Variants in FAM234A observed in about 807,000 individuals in gnomAD.
FAM234A encodes the protein protein FAM234A.
Under a neutral mutation model 49.1 loss-of-function variants are expected in FAM234A, and 42 were observed. The ratio of observed to expected loss-of-function variants is 0.86; its 90% confidence interval spans 0.67 to 1.11. The LOEUF is 1.11. Among genes scored for constraint, FAM234A ranks in the 50% least tolerant of loss-of-function variants. The pLI is 0.00. For missense variants in FAM234A, 815 were observed against 745.2 expected, an observed-to-expected ratio of 1.09 and a Z score of -1.09; for synonymous variants, 369 against 316.2, an observed-to-expected ratio of 1.17 and a Z score of -1.77.
Position 259,529 on chromosome 16 carries a change from C to T in FAM234A, c.315C>T (p.Ile105=), listed in dbSNP as rs2051372654. 1.9e-6 allele frequency: 3 copies of T among 1,612,802 alleles called. No individual in the cohort carries two copies. Among genetic ancestry groups the T allele is most frequent in the Non-Finnish European group, 2.5e-6 (3 of 1,178,814 alleles). ...LAVDDINGDR[I]QDVLFLYKNT... ...TGGATGATATAAACGGGGACAGGATCCAAGATGTTCTTTTTCTTTATAAAA... is the reference window on the plus strand; with the variant it reads ...TGGATGATATAAACGGGGACAGGATTCAAGATGTTCTTTTTCTTTATAAAA... The change falls in exon 4 of 13, where the codon ATC becomes ATT. Residue 105 remains isoleucine (I), a synonymous_variant. Transcript: ENST00000399932.
At chr16:239,514 C>A (rs1429873831) in intron 1 of FAM234A, among the ~76,000 whole-genome samples, 7 of 139,382 alleles carry the variant, frequency 5.0e-5, no homozygotes, top group South Asian at 2.4e-4. Flanking sequence ...ACTCGGGAGG[C>A]TGAGGCAGGA....
At chr16:240,554 G>A (rs1163223482) in intron 1 of FAM234A, among the ~76,000 whole-genome samples, 1 of 150,896 alleles carries the variant, frequency 6.6e-6, no homozygotes, top group Non-Finnish European at 1.5e-5. Flanking sequence ...CAAGGCTGGA[G>A]TACAATGGTG....
At position 247,036 on chromosome 16, in the gene FAM234A, GT is replaced by G. The variant is rs1320388219; in HGVS notation, c.-139-2512del. 9 of 152,104 alleles carry G rather than the reference GT, an allele frequency of 5.9e-5. No individual in the cohort carries two copies. The East Asian group carries it at 1.5e-3, about 26-fold the overall frequency. 9.4% of individuals were successfully genotyped at this position (152,104 alleles called of 1,614,324 possible). A position where few individuals can be genotyped will look rare whatever the true frequency, so the allele number is the denominator to read the frequency against. ...GATCTGCCTGCCTCGGCCTCCGAAAGTGCTGGGATTACAGGCGCAAACCACC... is the reference window on the plus strand; with the variant it reads ...GATCTGCCTGCCTCGGCCTCCGAAAGGCTGGGATTACAGGCGCAAACCACC... On this transcript the variant is annotated intron_variant, in intron 1 of 12. Transcript: ENST00000399932.
At chr16:253,254 T>C (rs2051093181) in intron 2 of FAM234A, among the ~76,000 whole-genome samples, 2 of 152,164 alleles carry the variant, frequency 1.3e-5, no homozygotes, top group Admixed American at 6.5e-5. Context: ...GGAGAGGGCA[T>C]GTTTTTCCCC....
chr16:259,754 G>A (rs992136296), intron 4 of FAM234A, among the ~76,000 whole-genome samples, 155 bp downstream of exon 4: 8 of 152,162 alleles, frequency 5.3e-5, no homozygotes, highest in Admixed American at 4.6e-4. Context: ...AAAGAGGCCT[G>A]GAAGCCCAGT....
intron 2 of FAM234A, among the ~76,000 whole-genome samples, chr16:252,187 T>C (rs1045670003): frequency 9.1e-5 from 7 of 76,698 alleles, no homozygotes; most frequent in African/African-American, 3.1e-4. Flanking sequence ...TGTTTTTTGT[T>C]TTTTTTTTTT....
intron 1 of FAM234A, among the ~76,000 whole-genome samples, chr16:238,297 G>T (rs1204866587): frequency 6.6e-6 from 1 of 152,068 alleles, no homozygotes. Flanking sequence ...GGAATTAGAA[G>T]CATGAACCAC....
downstream of FAM234A, chr16:269,374 C>T (rs370285093): frequency 1.1e-5 from 17 of 1,601,620 alleles, no homozygotes; most frequent in East Asian, 6.7e-5. Flanking sequence ...TCCACGTAAA[C>T]GGGAACACGC....
At chr16:238,780 A>AG (rs1212780344) in intron 1 of FAM234A, among the ~76,000 whole-genome samples, 31 of 141,176 alleles carry the variant, frequency 2.2e-4, no homozygotes, top group East Asian at 6.5e-4. Context: ...AAAAAAAAAA[A>AG]AAAAAAGAAA....
intron 2 of FAM234A, 41 bp from the exon 3 acceptor site, chr16:254,340 G>C: frequency 8.4e-6 from 13 of 1,546,212 alleles, no homozygotes; most frequent in Non-Finnish European, 8.8e-7. Flanking sequence ...TTTGTGCCGT[G>C]GGACTGCTGG....
chr16:264,100 C>T lies in FAM234A; in HGVS notation c.1273C>T (p.Leu425=). 1 of 1,612,320 alleles carries T rather than the reference C, an allele frequency of 6.2e-7. No individual in the cohort carries two copies. The highest frequency in any genetic ancestry group is 8.5e-7 in the Non-Finnish European group (1 of 1,179,948). The change falls in exon 11 of 13, where the codon CTG becomes TTG. Residue 425 remains leucine (L), a synonymous_variant. Coordinates refer to ENST00000399932, the MANE Select transcript of FAM234A (RefSeq NM_032039.4). ...SLPGGPLSAS[L]PTADHRSAFF... ...CCCTGGGGGTCCACTGTCCGCCAGC[C>T]TGCCGACCGCAGACCACCGCTCAGC...
chr16:243,322 C>T (rs2050684303), intron 1 of FAM234A, among the ~76,000 whole-genome samples: 2 of 151,858 alleles, frequency 1.3e-5, no homozygotes, highest in South Asian at 2.1e-4. Context: ...GTTCTGTTTT[C>T]TGTTTTTTTA....
intron 1 of FAM234A, among the ~76,000 whole-genome samples, chr16:236,711 C>T (rs1278349240): frequency 6.7e-6 from 1 of 149,828 alleles, no homozygotes; most frequent in Non-Finnish European, 1.5e-5. Flanking sequence ...TCGAGACCAT[C>T]GTGGCTAACA....
chr16:247,732 CTTA>C (rs1007612814), intron 1 of FAM234A, among the ~76,000 whole-genome samples: 1 of 152,086 alleles, frequency 6.6e-6, no homozygotes, highest in Non-Finnish European at 1.5e-5. Flanking sequence ...CGCGCCTGGC[CTTA>C]TTAATGATTT....
Position 264,229 on chromosome 16 carries a change from G to A in FAM234A, c.1344+58G>A, listed in dbSNP as rs1408032576. ...GGAGCCGGGGCCAGAGACCCAGGCT[G>A]GAGCTCCACCGTGGAGTGCCCAGAA... On this transcript the variant is annotated intron_variant, in intron 11 of 12. Coordinates refer to ENST00000399932, the MANE Select transcript of FAM234A (RefSeq NM_032039.4). The A allele has an allele frequency of 4.0e-6, 6 of 1,506,792 alleles. No individual in the cohort carries two copies. In the East Asian group the frequency reaches 9.6e-5, roughly 24 times the overall value. The allele number at this position is 1,506,792 out of a possible 1,614,324, so 93.3% of individuals were successfully genotyped here. A position where few individuals can be genotyped will look rare whatever the true frequency, so the allele number is the denominator to read the frequency against.
chr16:259,817 G>T (rs1337146449), intron 4 of FAM234A, 152 bp from the exon 5 acceptor site: 1 of 772,316 alleles, frequency 1.3e-6, no homozygotes, highest in Non-Finnish European at 2.1e-6. Context: ...AGAGCCCCGG[G>T]AGCCTGCAAG....
Position 265,825 on chromosome 16 carries a change from C to A in FAM234A, c.*803C>A. ...GGTCAGTCTGTGCCCTCTCAGTAGA[C>A]ACTGGAGCTGCTCTGTCCCTGAAGA... is the stretch of plus-strand genomic sequence containing the variant. On this transcript the variant is annotated 3_prime_UTR_variant, in exon 13 of 13. Coordinates refer to ENST00000399932, the MANE Select transcript of FAM234A (RefSeq NM_032039.4). The A allele has an allele frequency of 1.0e-6, 1 of 985,726 alleles. No homozygotes were observed. Among genetic ancestry groups the A allele is most frequent in the Middle Eastern group, 5.2e-4 (1 of 1,914 alleles). 61.1% of individuals were successfully genotyped at this position (985,726 alleles called of 1,614,324 possible). A position where few individuals can be genotyped will look rare whatever the true frequency, so the allele number is the denominator to read the frequency against.
Position 265,738 on chromosome 16 carries a change from GCTGTCTA to G in FAM234A, c.*720_*726del. The G allele has an allele frequency of 1.0e-6, 1 of 985,680 alleles. No individual in the cohort carries two copies. Among genetic ancestry groups the G allele is most frequent in the Non-Finnish European group, 1.2e-6 (1 of 830,110 alleles). The allele number at this position is 985,680 out of a possible 1,614,324, so 61.1% of individuals were successfully genotyped here. On this transcript the variant is annotated 3_prime_UTR_variant, in exon 13 of 13. Coordinates refer to ENST00000399932, the MANE Select transcript of FAM234A (RefSeq NM_032039.4). ...CACAGGTGTCCTTAGTGGTGTTGCA[GCTGTCTA>G]CTGGCTGCATGTGCTGTGAATATCC...
chr16:254,013 G>C, intron 2 of FAM234A: 1 of 228,890 alleles, frequency 4.4e-6, no homozygotes, highest in Non-Finnish European at 8.7e-6. Flanking sequence ...GCTTGAGGCT[G>C]GTGGAAGGTG....
Sources: gnomAD v4.1 joint callset for allele counts (sites outside exome capture counted in the v4.1 genomes callset) on GRCh38, gnomAD v4.1.1 for gene constraint, MANE v1.5 for transcripts, NCBI Gene and HGNC (gene_info 2026-07-23, HGNC 2026-07-21) for gene names.